CHD2: variants seen among roughly 807,000 people sequenced by gnomAD.
CHD2 encodes the protein ATP-dependent chromatin remodeler CHD2.
CHD2 carries 28 observed loss-of-function variants against 243.9 expected under a neutral mutation model. The ratio of observed to expected loss-of-function variants is 0.11; its 90% confidence interval spans 0.09 to 0.16. The LOEUF is 0.16. Among genes scored for constraint, CHD2 ranks in the 10% least tolerant of loss-of-function variants. The pLI, the probability that CHD2 is intolerant of heterozygous loss-of-function variation, is 1.00. For missense variants in CHD2, 1,386 were observed against 2,209.8 expected (o/e 0.63, Z 7.47); for synonymous variants, 775 against 779.0 (o/e 0.99, Z 0.09).
intron 7 of CHD2, among the ~76,000 whole-genome samples, chr15:92,941,510 A>G (rs1336553065): frequency 6.6e-6 from 1 of 152,048 alleles, no homozygotes; most frequent in Non-Finnish European, 1.5e-5. Flanking sequence ...TTGTTTACAT[A>G]ATAATCTGAT....
intron 16 of CHD2, among the ~76,000 whole-genome samples, chr15:92,958,672 T>G (rs549746229): frequency 6.6e-6 from 1 of 152,224 alleles, no homozygotes; most frequent in African/African-American, 2.4e-5. Context: ...TTCTATAGTT[T>G]GATGTAAAAT....
In CHD2 at chr15:92,997,182, T is replaced by C. The variant is rs2054199254; in HGVS notation, c.3735-71T>C. On this transcript the variant is annotated intron_variant, in intron 29 of 38. Transcript: ENST00000394196. The surrounding 1 kb of genome is among the most constrained non-coding windows in gnomAD (Gnocchi z 4.1). ...GACTTTGTGTAGTTCCATAGTATTT[T>C]TACTGTCTCTTCTTTAACATACCAA... is the stretch of plus-strand genomic sequence containing the variant. The C allele has an allele frequency of 6.2e-7, 1 of 1,607,288 alleles. No individual in the cohort carries two copies. Among genetic ancestry groups the C allele is most frequent in the Non-Finnish European group, 8.5e-7 (1 of 1,177,518 alleles).
Position 93,012,448 on chromosome 15 carries a change from A to G in CHD2, c.4692+4A>G, listed in dbSNP as rs1382294628. The G allele has an allele frequency of 1.3e-6, 2 of 1,580,942 alleles. No homozygotes were observed. The highest frequency in any genetic ancestry group is 1.7e-6 in the Non-Finnish European group (2 of 1,159,848). The stretch of plus-strand genomic sequence containing the variant: ...GAAAAGGTCTCAAGAAGAAGAGGTA[A>G]AGTACAAATTCAGTCCTAATTCATA... On this transcript the variant is annotated splice_donor_region_variant and intron_variant, in intron 36 of 38. Transcript: ENST00000394196.
chr15:93,025,170 T>A lies in CHD2; in HGVS notation c.*465T>A, dbSNP rs2054576603. 2 of 159,234 alleles carry A rather than the reference T, an allele frequency of 1.3e-5. No individual in the cohort carries two copies. The highest frequency in any genetic ancestry group is 4.8e-5 in the African/African-American group (2 of 41,416). 9.9% of individuals were successfully genotyped at this position (159,234 alleles called of 1,614,324 possible). A position where few individuals can be genotyped will look rare whatever the true frequency, so the allele number is the denominator to read the frequency against. On this transcript the variant is annotated 3_prime_UTR_variant, in exon 39 of 39. Transcript: ENST00000394196. Reference sequence around the variant, plus strand: ...TTGGTTGATTTGGTTCACTCTGACATGATGGATGCTGCTGATGGGGAGTGG... The same window carrying A: ...TTGGTTGATTTGGTTCACTCTGACAAGATGGATGCTGCTGATGGGGAGTGG...
intron 12 of CHD2, chr15:92,946,547 C>T (rs2053471217): frequency 1.3e-5 from 2 of 158,408 alleles, no homozygotes; most frequent in Non-Finnish European, 2.8e-5. Flanking sequence ...AGTGCACTGG[C>T]ACTATCTTGG....
chr15:92,950,789 C>T (rs979409558), intron 13 of CHD2, among the ~76,000 whole-genome samples: 2 of 151,470 alleles, frequency 1.3e-5, no homozygotes, highest in African/African-American at 4.8e-5. Context: ...AAATATTTTT[C>T]CCCTCATTGC....
intron 7 of CHD2, among the ~76,000 whole-genome samples, chr15:92,941,613 G>A (rs375386806): frequency 2.6e-5 from 4 of 151,926 alleles, no homozygotes; most frequent in African/African-American, 9.7e-5. Flanking sequence ...TTTTCAAATT[G>A]AGTTAGACTC....
At chr15:93,016,198 C>T (rs1312219767) in intron 37 of CHD2, among the ~76,000 whole-genome samples, 2 of 152,076 alleles carry the variant, frequency 1.3e-5, no homozygotes, top group Non-Finnish European at 2.9e-5. Context: ...TCCTGTCGTT[C>T]GCAACAACAT....
chr15:92,929,683 T>C (rs2053129236), intron 5 of CHD2, among the ~76,000 whole-genome samples: 1 of 152,208 alleles, frequency 6.6e-6, no homozygotes, highest in Non-Finnish European at 1.5e-5. Context: ...AAATAATTTT[T>C]AAAGTCATTT....
intron 16 of CHD2, among the ~76,000 whole-genome samples, chr15:92,959,036 TG>T (rs1355375887): frequency 6.6e-6 from 1 of 152,234 alleles, no homozygotes; most frequent in African/African-American, 2.4e-5. Context: ...TCCCAATCTG[TG>T]GCTTCTTTTC....
In CHD2 at chr15:92,943,096, A is replaced by T. The variant is rs752823746; in HGVS notation, c.1052+28A>T. The T allele has an allele frequency of 1.4e-5, 21 of 1,539,876 alleles. No homozygotes were observed. In the South Asian group the frequency reaches 2.4e-4, roughly 17 times the overall value. On this transcript the variant is annotated intron_variant, in intron 9 of 38. Transcript: ENST00000394196. ...ATATTTTCCATCATGGATTAAAGAA[A>T]TGTATTTGCAGCCTGAAAGAAGGGA...
At position 92,971,719 on chromosome 15, in the gene CHD2, T is replaced by C. The variant is rs745804520; in HGVS notation, c.2190-46T>C. Reference sequence around the variant, plus strand: ...TATACTCTTCTGGTACCTACAACTTTCTGTTTTTTTGTATCTAGTAGTATC... The same window carrying C: ...TATACTCTTCTGGTACCTACAACTTCCTGTTTTTTTGTATCTAGTAGTATC... On this transcript the variant is annotated intron_variant, in intron 17 of 38. Transcript: ENST00000394196. 3 of 1,553,694 alleles carry C rather than the reference T, an allele frequency of 1.9e-6. No individual in the cohort carries two copies. The East Asian group carries it at 6.8e-5, about 35-fold the overall frequency.
At chr15:92,968,631 CTT>C (rs1308208570) in intron 17 of CHD2, among the ~76,000 whole-genome samples, 1 of 152,194 alleles carries the variant, frequency 6.6e-6, no homozygotes, top group Admixed American at 6.5e-5. Flanking sequence ...TAAAAAGAAA[CTT>C]TCCCATGTCA....
chr15:93,009,393 A>C, intron 35 of CHD2, 70 bp downstream of exon 35: 1 of 1,467,444 alleles, frequency 6.8e-7, no homozygotes, highest in Non-Finnish European at 9.2e-7. Context: ...TTTTCTTTTA[A>C]TAAAAGGTGG....
intron 28 of CHD2, among the ~76,000 whole-genome samples, chr15:92,993,625 G>C (rs2054150125): frequency 6.6e-6 from 1 of 152,072 alleles, no homozygotes; most frequent in Non-Finnish European, 1.5e-5. Flanking sequence ...TATTGGTAAG[G>C]ACACCCTCAT....
intron 16 of CHD2, 130 bp downstream of exon 16, chr15:92,956,779 A>G (rs765382037): frequency 3.8e-6 from 3 of 788,612 alleles, no homozygotes; most frequent in African/African-American, 1.7e-5. Flanking sequence ...AAATGGAGGC[A>G]GGGATGGCGG....
At chr15:92,929,873 T>C (rs538631813) in intron 5 of CHD2, among the ~76,000 whole-genome samples, 16 of 152,276 alleles carry the variant, frequency 1.1e-4, no homozygotes, top group Admixed American at 4.6e-4. Context: ...CTTTAGTAAG[T>C]GGCCTAAGGC....
At chr15:93,010,464 C>T (rs1175345027) in intron 35 of CHD2, among the ~76,000 whole-genome samples, 3 of 149,948 alleles carry the variant, frequency 2.0e-5, no homozygotes, top group South Asian at 2.1e-4. Flanking sequence ...TTCACTCTAT[C>T]GCCCAGGCTG....
intron 23 of CHD2, 93 bp from the exon 24 acceptor site, chr15:92,981,272 A>T: frequency 1.2e-6 from 1 of 838,780 alleles, no homozygotes; most frequent in East Asian, 2.7e-5. Context: ...TATTTGCACC[A>T]AACATTTTTA....
Sources: gnomAD v4.1 joint callset for allele counts (sites outside exome capture counted in the v4.1 genomes callset) on GRCh38, gnomAD v4.1.1 for gene constraint, Gnocchi (gnomAD v3.1) non-coding constraint, MANE v1.5 for transcripts, NCBI Gene and HGNC (gene_info 2026-07-23, HGNC 2026-07-21) for gene names.